The following NMNAT3 variants were observed in gnomAD, a reference collection of about 807,000 sequenced individuals.
NMNAT3 encodes the protein nicotinamide nucleotide adenylyltransferase 3.
A neutral mutation model predicts 24.8 loss-of-function variants in NMNAT3; 21 were observed. That is an observed-to-expected ratio of 0.85 (90% CI 0.60 to 1.22). The LOEUF is 1.22. NMNAT3 is among the 50% of genes most tolerant of loss of function. NMNAT3 has a pLI of 0.00. For synonymous variants in NMNAT3, 136 were observed against 155.2 expected, an observed-to-expected ratio of 0.88 and a Z score of 0.92; for missense variants, 387 against 436.6, an observed-to-expected ratio of 0.89 and a Z score of 1.01.
Position 139,583,275 on chromosome 3 carries a change from T to G in NMNAT3, c.110-67A>C, listed in dbSNP as rs533108491. ...GCTAAGAGTTTTGCATGTATAGCAG[T>G]ACTTTTACCATCTGTTTCATTTGGA... On this transcript the variant is annotated intron_variant, in intron 3 of 6. Coordinates refer to ENST00000643695, the MANE Select transcript of NMNAT3 (RefSeq NM_001320510.2). The G allele has an allele frequency of 5.1e-5, 64 of 1,251,894 alleles. No homozygotes were observed. The African/African-American group carries it at 9.0e-4, about 18-fold the overall frequency. 77.5% of individuals were successfully genotyped at this position (1,251,894 alleles called of 1,614,324 possible).
At chr3:139,616,891 T>G (rs2055531809) in intron 3 of NMNAT3, among the ~76,000 whole-genome samples, 1 of 152,196 alleles carries the variant, frequency 6.6e-6, no homozygotes, top group Non-Finnish European at 1.5e-5. Flanking sequence ...GTTTGCCTCT[T>G]TCTGTGTCTC....
intron 3 of NMNAT3, among the ~76,000 whole-genome samples, chr3:139,620,427 A>G (rs966151393): frequency 6.6e-6 from 1 of 152,112 alleles, no homozygotes; most frequent in Non-Finnish European, 1.5e-5. Context: ...TTCATATACT[A>G]TATACTCTTT....
At chr3:139,618,112 T>G (rs1352884647) in intron 3 of NMNAT3, among the ~76,000 whole-genome samples, 1 of 152,152 alleles carries the variant, frequency 6.6e-6, no homozygotes, top group Non-Finnish European at 1.5e-5. Context: ...AGAACCACAC[T>G]GTAAAGTAGA....
At chr3:139,598,090 T>C (rs1452157706) in intron 3 of NMNAT3, among the ~76,000 whole-genome samples, 7 of 152,370 alleles carry the variant, frequency 4.6e-5, no homozygotes, top group African/African-American at 1.7e-4. Context: ...AGATAACAGA[T>C]GAACAGCTCA....
At chr3:139,602,327 C>A (rs1014128905) in intron 3 of NMNAT3, among the ~76,000 whole-genome samples, 2 of 152,146 alleles carry the variant, frequency 1.3e-5, no homozygotes, top group East Asian at 1.9e-4. Flanking sequence ...AGGGAAGAGA[C>A]CTGCTTGGCC....
intron 2 of NMNAT3, among the ~76,000 whole-genome samples, chr3:139,629,693 C>T (rs573403418): frequency 1.3e-5 from 2 of 152,284 alleles, no homozygotes; most frequent in East Asian, 3.9e-4. Context: ...CATGTTATCT[C>T]CTTCTCCAGG....
At chr3:139,652,323 A>C (rs6770277) in intron 1 of NMNAT3, among the ~76,000 whole-genome samples, 17,808 of 152,308 alleles carry the variant, frequency 0.12, 1,158 homozygotes, top group Non-Finnish European at 0.14. Context: ...CCAAGGAAAG[A>C]TAAAGAATAA....
intron 3 of NMNAT3, among the ~76,000 whole-genome samples, chr3:139,626,639 C>T (rs1429663415): frequency 1.3e-5 from 2 of 152,044 alleles, no homozygotes; most frequent in Non-Finnish European, 2.9e-5. Context: ...CACAGAACAC[C>T]AAATTGTCCT....
intron 3 of NMNAT3, among the ~76,000 whole-genome samples, chr3:139,616,101 G>C (rs2055488112): frequency 6.6e-6 from 1 of 152,076 alleles, no homozygotes; most frequent in African/African-American, 2.4e-5. Flanking sequence ...AGCCAATCCA[G>C]TTGTCAATAC....
intron 6 of NMNAT3, chr3:139,571,124 C>G (rs1938231382): frequency 6.6e-6 from 1 of 152,520 alleles, no homozygotes; most frequent in African/African-American, 2.4e-5. Context: ...GAGCAAGACT[C>G]TGTGGGTGTA....
At chr3:139,667,444 A>G (rs1259268743) in intron 1 of NMNAT3, among the ~76,000 whole-genome samples, 1 of 152,242 alleles carries the variant, frequency 6.6e-6, no homozygotes, top group African/African-American at 2.4e-5. Context: ...ACATTTAAAA[A>G]AATCAAAATA....
chr3:139,661,583 T>C (rs1044868705), intron 1 of NMNAT3, among the ~76,000 whole-genome samples: 2 of 152,132 alleles, frequency 1.3e-5, no homozygotes, highest in Admixed American at 6.5e-5. Context: ...GGTGGGAGGA[T>C]TGGTTGATCC....
At chr3:139,591,314 T>C (rs1467380659) in intron 3 of NMNAT3, among the ~76,000 whole-genome samples, 1 of 151,498 alleles carries the variant, frequency 6.6e-6, no homozygotes, top group Non-Finnish European at 1.5e-5. Context: ...GCTCAGAGGG[T>C]CCTACGCCCA....
At chr3:139,643,379 TA>T (rs1441621657) in intron 1 of NMNAT3, among the ~76,000 whole-genome samples, 2 of 152,030 alleles carry the variant, frequency 1.3e-5, no homozygotes, top group Non-Finnish European at 2.9e-5. Context: ...TCAAAAGAAT[TA>T]AAAACAGTGA....
At chr3:139,573,202 A>G (rs915715339) in intron 6 of NMNAT3, among the ~76,000 whole-genome samples, 4 of 152,214 alleles carry the variant, frequency 2.6e-5, no homozygotes, top group African/African-American at 2.4e-5. Flanking sequence ...TCTGCTATAA[A>G]TAAAGTCTTA....
intron 3 of NMNAT3, among the ~76,000 whole-genome samples, chr3:139,615,011 C>A (rs2055419232): frequency 6.6e-6 from 1 of 152,138 alleles, no homozygotes; most frequent in African/African-American, 2.4e-5. Context: ...ATTTAATTAA[C>A]CAATATATTT....
At chr3:139,581,872 A>C (rs1278593020) in intron 4 of NMNAT3, among the ~76,000 whole-genome samples, 1 of 152,118 alleles carries the variant, frequency 6.6e-6, no homozygotes, top group East Asian at 1.9e-4. Flanking sequence ...ATTATATGTT[A>C]ATTCTTCCTC....
At position 139,645,715 on chromosome 3, in the gene NMNAT3, A is replaced by G. The variant is rs555896338; in HGVS notation, c.-140-7653T>C. ...TACATCTCACTGGCCAGAACACTGT[A>G]ACAAGGCAAACTATCACAAGGAAAA... On this transcript the variant is annotated intron_variant, in intron 1 of 6. Coordinates refer to ENST00000643695, the MANE Select transcript of NMNAT3 (RefSeq NM_001320510.2). Among the ~76,000 whole-genome samples the G allele has an allele frequency of 5.3e-5, 8 of 152,330 alleles. No homozygotes were observed. The South Asian group carries it at 1.2e-3, about 24-fold the overall frequency.
At chr3:139,666,193 C>T (rs528687671) in intron 1 of NMNAT3, among the ~76,000 whole-genome samples, 6 of 152,310 alleles carry the variant, frequency 3.9e-5, no homozygotes, top group Non-Finnish European at 8.8e-5. Flanking sequence ...ATGCCTCCCA[C>T]AGAGAGGTGG....
Sources: allele counts gnomAD v4.1 joint callset (sites outside exome capture counted in the v4.1 genomes callset), GRCh38; gene constraint gnomAD v4.1.1; transcripts MANE v1.5; gene names NCBI Gene and HGNC (gene_info 2026-07-23, HGNC 2026-07-21).